Variants in GALNT13 observed in about 807,000 individuals in gnomAD.
GALNT13 encodes polypeptide N-acetylgalactosaminyltransferase 13, also known as UDP-GalNAc:polypeptide N-acetylgalactosaminyltransferase 13.
In GALNT13, 28 loss-of-function variants were observed where a neutral mutation model predicts 64.2. The observed-to-expected ratio is 0.44, with a 90% CI of 0.32 to 0.60. The LOEUF is 0.60. Ranked by LOEUF, GALNT13 falls within the 20% of genes least tolerant of loss-of-function variation. The pLI is 0.05. For missense variants in GALNT13, 577 were observed against 669.8 expected, an observed-to-expected ratio of 0.86 and a Z score of 1.53; for synonymous variants, 214 against 224.6, an observed-to-expected ratio of 0.95 and a Z score of 0.42.
chr2:153,677,392 T>G, the GALNT13 span, among the ~76,000 whole-genome samples: 1 of 151,502 alleles, frequency 6.6e-6, no homozygotes, highest in Admixed American at 6.6e-5. Context: ...AAACACTGCT[T>G]AAATAAATCA....
At chr2:153,464,317 G>A in the GALNT13 span, among the ~76,000 whole-genome samples, 1 of 152,058 alleles carries the variant, frequency 6.6e-6, no homozygotes, top group African/African-American at 2.4e-5. Flanking sequence ...CCCAGGGGAT[G>A]TATGACATGG....
the GALNT13 span, among the ~76,000 whole-genome samples, chr2:153,501,396 A>G: frequency 1.3e-5 from 2 of 152,046 alleles, no homozygotes; most frequent in Admixed American, 6.6e-5. Flanking sequence ...CAGTGGCACA[A>G]TCTCGGCTCA....
the GALNT13 span, among the ~76,000 whole-genome samples, chr2:153,731,044 T>A: frequency 6.6e-6 from 1 of 151,704 alleles, no homozygotes; most frequent in African/African-American, 2.4e-5. Flanking sequence ...TATTAGATGA[T>A]TGGATAAATA....
At chr2:153,292,859 G>GTA in the GALNT13 span, among the ~76,000 whole-genome samples, 6 of 151,988 alleles carry the variant, frequency 3.9e-5, no homozygotes, top group African/African-American at 4.8e-5. Flanking sequence ...ATTTCTGTGT[G>GTA]TATATATATA....
the GALNT13 span, among the ~76,000 whole-genome samples, chr2:153,355,386 C>G: frequency 6.6e-6 from 1 of 152,148 alleles, no homozygotes; most frequent in African/African-American, 2.4e-5. Flanking sequence ...GATGCCCTCC[C>G]ATAATTAATC....
chr2:153,701,103 G>T, the GALNT13 span, among the ~76,000 whole-genome samples: 3 of 152,078 alleles, frequency 2.0e-5, no homozygotes, highest in African/African-American at 7.2e-5. Flanking sequence ...TATACCTCAA[G>T]GCTACAGTAA....
chr2:153,882,768 A>G (rs10199842), intron 1 of GALNT13, among the ~76,000 whole-genome samples: 36,766 of 151,556 alleles, frequency 0.24, 4,747 homozygotes, highest in Non-Finnish European at 0.28. Flanking sequence ...AAGCAGGGCT[A>G]CAGAAATGTC....
At chr2:153,541,401 G>A in the GALNT13 span, among the ~76,000 whole-genome samples, 1 of 152,240 alleles carries the variant, frequency 6.6e-6, no homozygotes, top group Non-Finnish European at 1.5e-5. Context: ...TTATAGCAGG[G>A]TGAGAATGGA....
chr2:153,334,721 A>G, the GALNT13 span, among the ~76,000 whole-genome samples: 1 of 152,308 alleles, frequency 6.6e-6, no homozygotes, highest in South Asian at 2.1e-4. Context: ...TGTTATAAAA[A>G]TGTGATAGTC....
intron 3 of GALNT13, among the ~76,000 whole-genome samples, chr2:154,003,859 T>C (rs1003955619): frequency 6.6e-6 from 1 of 152,152 alleles, no homozygotes; most frequent in Non-Finnish European, 1.5e-5. Context: ...TGTGCCTGCT[T>C]CCTCTTCACC....
the GALNT13 span, among the ~76,000 whole-genome samples, chr2:153,520,194 T>A: frequency 6.6e-6 from 1 of 152,210 alleles, no homozygotes; most frequent in African/African-American, 2.4e-5. Flanking sequence ...TTTGCACATA[T>A]AATTTTTATT....
chr2:153,076,744 A>G, the GALNT13 span, among the ~76,000 whole-genome samples: 1 of 151,984 alleles, frequency 6.6e-6, no homozygotes, highest in African/African-American at 2.4e-5. Flanking sequence ...AAGTTTCCAT[A>G]AGTTATTAAA....
intron 11 of GALNT13, among the ~76,000 whole-genome samples, chr2:154,413,232 C>G (rs867206172): frequency 1.3e-5 from 2 of 151,802 alleles, no homozygotes; most frequent in Non-Finnish European, 2.9e-5. Context: ...AACTCATTTC[C>G]TTTCCTTTCA....
chr2:153,618,708 G>T, the GALNT13 span, among the ~76,000 whole-genome samples: 1 of 151,844 alleles, frequency 6.6e-6, no homozygotes, highest in African/African-American at 2.4e-5. Flanking sequence ...CCAGTGTTGG[G>T]TGCATATATA....
chr2:153,530,155 C>G, the GALNT13 span, among the ~76,000 whole-genome samples: 1 of 151,914 alleles, frequency 6.6e-6, no homozygotes, highest in East Asian at 1.9e-4. Flanking sequence ...AACCTAAAGA[C>G]TCCACCAAAA....
the GALNT13 span, among the ~76,000 whole-genome samples, chr2:153,086,528 C>T: frequency 6.6e-6 from 1 of 152,116 alleles, no homozygotes; most frequent in Non-Finnish European, 1.5e-5. Flanking sequence ...AGTCTCTTGC[C>T]TGCTGCCATG....
At chr2:154,373,277 C>T (rs1697802344) in intron 9 of GALNT13, among the ~76,000 whole-genome samples, 1 of 151,896 alleles carries the variant, frequency 6.6e-6, no homozygotes, top group African/African-American at 2.4e-5. Context: ...TGCTAGTAAC[C>T]AAATTAAGTA....
At chr2:154,108,184 G>A (rs1702731145) in intron 3 of GALNT13, among the ~76,000 whole-genome samples, 1 of 148,296 alleles carries the variant, frequency 6.7e-6, no homozygotes. Context: ...AGGAATCTCT[G>A]TAAAGTTTTC....
At chr2:154,075,872 G>A (rs975459597) in intron 3 of GALNT13, among the ~76,000 whole-genome samples, 3 of 151,638 alleles carry the variant, frequency 2.0e-5, no homozygotes, top group African/African-American at 7.3e-5. Context: ...GAAATGGTAT[G>A]TGTCAGTCAT....
Sources: gnomAD v4.1 joint callset for allele counts (sites outside exome capture counted in the v4.1 genomes callset) on GRCh38, gnomAD v4.1.1 for gene constraint, MANE v1.5 for transcripts, NCBI Gene and HGNC (gene_info 2026-07-23, HGNC 2026-07-21) for gene names.